The following RBM33 variants were observed in gnomAD, a reference collection of about 807,000 sequenced individuals.
The protein encoded by RBM33 is RNA binding motif protein 33, also known as RNA-binding protein 33.
In RBM33, 28 loss-of-function variants were observed where a neutral mutation model predicts 132.6. That is an observed-to-expected ratio of 0.21 (90% CI 0.16 to 0.29). The LOEUF is 0.29. Ranked by LOEUF, RBM33 falls within the 10% of genes least tolerant of loss-of-function variation. The probability of loss-of-function intolerance (pLI) is 1.00; values close to 1 mark genes in which losing one functional copy is unlikely to be tolerated. For synonymous variants in RBM33, 634 were observed against 593.0 expected (o/e 1.07, Z -1.01); for missense variants, 1,291 against 1,518.5 (o/e 0.85, Z 2.49).
At position 155,745,226 on chromosome 7, in the gene RBM33, A is replaced by G. The variant is rs780386844; in HGVS notation, c.2603A>G (p.Gln868Arg). ...LLPFPGAQVR[Q>R]NVKNRLLVKN... is the part of the protein sequence containing the mutation. ...CCCTTTCCAGGTGCACAGGTCAGAC[A>G]AAATGTGAAGAACAGACTTCTTGTT... Residue 868 changes from glutamine (Q) to arginine (R), a missense_variant, in exon 14 of 18, where the codon CAA (glutamine) becomes CGA (arginine). Transcript: ENST00000401878. This position sits in a 1 kb window ranked among gnomAD's most constrained non-coding sequence, Gnocchi z 4.1. 2 of 1,612,648 alleles carry G rather than the reference A, an allele frequency of 1.2e-6. No homozygotes were observed. The highest frequency in any genetic ancestry group is 1.7e-6 in the Non-Finnish European group (2 of 1,179,316).
chr7:155,751,089 T>C (rs2117046034), intron 14 of RBM33, among the ~76,000 whole-genome samples: 1 of 152,350 alleles, frequency 6.6e-6, no homozygotes, highest in East Asian at 1.9e-4. Flanking sequence ...ACTTTTGGAA[T>C]GATATGTATA....
At chr7:155,724,210 A>G (rs78959934) in intron 9 of RBM33, among the ~76,000 whole-genome samples, 5,500 of 152,214 alleles carry the variant, frequency 0.036, 323 homozygotes, top group African/African-American at 0.13. Context: ...TGCATTTTTA[A>G]GGCACACTTG....
intron 5 of RBM33, among the ~76,000 whole-genome samples, chr7:155,690,683 C>T (rs1799612314): frequency 6.6e-6 from 1 of 152,128 alleles, no homozygotes; most frequent in Non-Finnish European, 1.5e-5. Flanking sequence ...AATCTCTGAG[C>T]ATTTGCTTGT....
In RBM33 at chr7:155,711,442, C is replaced by A. The variant is rs535543190; in HGVS notation, c.1188C>A (p.Val396=). 3.9e-5 allele frequency: 57 copies of A among 1,461,584 alleles called. No individual in the cohort carries two copies. In the South Asian group the frequency reaches 7.9e-4, roughly 20 times the overall value. 90.5% of individuals were successfully genotyped at this position (1,461,584 alleles called of 1,614,324 possible). A position where few individuals can be genotyped will look rare whatever the true frequency, so the allele number is the denominator to read the frequency against. The change falls in exon 8 of 18, where the codon GTC becomes GTA. Residue 396 remains valine, a synonymous_variant. Transcript: ENST00000401878. ...ACCCGCACTTCAAAGGGACGGTGGT[C>A]ACGCCTGTTCAAGGTCTGTGTTTCC... is the stretch of plus-strand genomic sequence containing the variant. The part of the protein sequence containing the change: ...HINPHFKGTV[V]TPVQVPLLPV...
In RBM33 at chr7:155,737,589, C is replaced by T. The variant is rs1421429630; in HGVS notation, c.1320C>T (p.Pro440=). ...PGPVPNSFSQ[P]PRLPLQDQWR... ...CTGTTCCCAACAGTTTCAGCCAGCC[C>T]CCACGACTCCCTCTCCAGGACCAGT... The change falls in exon 10 of 18, where the codon CCC becomes CCT. Residue 440 remains proline, a synonymous_variant. Coordinates refer to ENST00000401878, the MANE Select transcript of RBM33 (RefSeq NM_053043.3). The T allele has an allele frequency of 1.2e-6, 2 of 1,613,310 alleles. No homozygotes were observed. The highest frequency in any genetic ancestry group is 1.7e-6 in the Non-Finnish European group (2 of 1,179,654).
chr7:155,775,027 C>T lies in RBM33; in HGVS notation c.3499C>T (p.Leu1167=), dbSNP rs1802556739. 5.6e-6 allele frequency: 9 copies of T among 1,613,648 alleles called. No homozygotes were observed. The highest frequency in any genetic ancestry group is 7.6e-6 in the Non-Finnish European group (9 of 1,179,732). Residue 1167 remains leucine, a synonymous_variant, in exon 18 of 18, where the codon CTG becomes TTG. Transcript: ENST00000401878. ...MIDLSHINVA[L]IVE is the part of the protein sequence containing the mutation. ...AGATTTGTCCCACATAAATGTGGCC[C>T]TGATCGTGGAGTGAGTCCTAACAAG... is the stretch of plus-strand genomic sequence containing the variant.
chr7:155,742,050 G>C lies in RBM33; in HGVS notation c.2281G>C (p.Val761Leu). 1 of 1,614,026 alleles carries C rather than the reference G, an allele frequency of 6.2e-7. No homozygotes were observed. Among genetic ancestry groups the C allele is most frequent in the South Asian group, 1.1e-5 (1 of 91,088 alleles). The change falls in exon 13 of 18, where the codon GTC (valine) becomes CTC (leucine). Residue 761 changes from valine to leucine, a missense_variant. This residue lies in a region of RBM33 where 841 missense variants were observed against 912.0 expected (regional missense o/e 0.92). Transcript: ENST00000401878. ...RSSQGKTEVK[V>L]KPASPVAQPK... The stretch of plus-strand genomic sequence containing the variant: ...CTCACAGGGAAAGACGGAAGTGAAA[G>C]TCAAGCCAGCTAGCCCTGTGGCTCA...
At chr7:155,684,420 C>A (rs1799416510) in intron 5 of RBM33, among the ~76,000 whole-genome samples, 1 of 152,138 alleles carries the variant, frequency 6.6e-6, no homozygotes, top group Non-Finnish European at 1.5e-5. Flanking sequence ...TGCTAATACG[C>A]CCCTTAAGTT....
In RBM33 at chr7:155,707,023, G is replaced by A. The variant is rs752436929; in HGVS notation, c.903G>A (p.Met301Ile). Residue 301 changes from methionine to isoleucine, a missense_variant, in exon 7 of 18, where the codon ATG (methionine) becomes ATA (isoleucine). By Grantham distance (10) the Met-to-Ile change is conservative. Around this residue, in one of 7 missense-constraint regions of RBM33, gnomAD observed 146 missense variants for 137.1 expected, o/e 1.07. Transcript: ENST00000401878. ...QRRESTERGR[M>I]KDHRPALLPT... ...GAGAGAGCACCGAGAGGGGCAGGAT[G>A]AAGGACCACAGACCTGCGCTGCTTC... 1 of 1,576,082 alleles carries A rather than the reference G, an allele frequency of 6.3e-7. No individual in the cohort carries two copies. Among genetic ancestry groups the A allele is most frequent in the Non-Finnish European group, 8.6e-7 (1 of 1,160,794 alleles).
chr7:155,669,801 G>A (rs940232709), intron 2 of RBM33, among the ~76,000 whole-genome samples: 1 of 152,206 alleles, frequency 6.6e-6, no homozygotes, highest in African/African-American at 2.4e-5. Flanking sequence ...GGCTGTTGGG[G>A]GAGGGATACT....
chr7:155,706,317 C>A (rs1221134716), intron 6 of RBM33, among the ~76,000 whole-genome samples: 2 of 152,168 alleles, frequency 1.3e-5, no homozygotes, highest in Non-Finnish European at 2.9e-5. Flanking sequence ...CATGGTGAAA[C>A]CCCGTCTCTA....
At chr7:155,705,539 T>G (rs1258696666) in intron 6 of RBM33, among the ~76,000 whole-genome samples, 1 of 152,144 alleles carries the variant, frequency 6.6e-6, no homozygotes, top group Non-Finnish European at 1.5e-5. Context: ...TGGAGGAGTT[T>G]GGAGATGATG....
intron 9 of RBM33, among the ~76,000 whole-genome samples, chr7:155,729,035 A>G (rs755787338): frequency 6.6e-6 from 1 of 152,214 alleles, no homozygotes; most frequent in African/African-American, 2.4e-5. Flanking sequence ...AAAAGGTTTA[A>G]TTGACTCACA....
At position 155,738,223 on chromosome 7, in the gene RBM33, G is replaced by T; in HGVS notation, c.1557G>T (p.Gln519His). ...PGPAFNQQGQ[Q>H]PVFPRERPVR... Reference sequence around the variant, plus strand: ...CAGCATTTAATCAGCAAGGACAGCAGCCAGTGTTCCCAAGAGAGCGGCCCG... The same window carrying T: ...CAGCATTTAATCAGCAAGGACAGCATCCAGTGTTCCCAAGAGAGCGGCCCG... The change falls in exon 11 of 18, where the codon CAG becomes CAT. Residue 519 changes from glutamine to histidine, a missense_variant. Physicochemically the swap from Gln to His is conservative, Grantham distance 24. This residue lies in a region of RBM33 where 841 missense variants were observed against 912.0 expected (regional missense o/e 0.92). Coordinates refer to ENST00000401878, the MANE Select transcript of RBM33 (RefSeq NM_053043.3). The T allele has an allele frequency of 6.2e-7, 1 of 1,613,990 alleles. No individual in the cohort carries two copies. The highest frequency in any genetic ancestry group is 1.1e-5 in the South Asian group (1 of 91,082).
At position 155,741,949 on chromosome 7, in the gene RBM33, C is replaced by T; in HGVS notation, c.2180C>T (p.Ser727Phe). 1 of 1,614,044 alleles carries T rather than the reference C, an allele frequency of 6.2e-7. No homozygotes were observed. The highest frequency in any genetic ancestry group is 8.5e-7 in the Non-Finnish European group (1 of 1,179,900). Residue 727 changes from serine (S) to phenylalanine (F), a missense_variant, in exon 13 of 18, where the codon TCT becomes TTT. Transcript: ENST00000401878. The part of the protein sequence containing the change: ...HVIEMSSSRC[S>F]ATPSAQVKPI... ...ATAGAAATGAGCAGCAGCCGCTGCTCTGCCACGCCCTCAGCACAAGTGAAA... is the reference window on the plus strand; with the variant it reads ...ATAGAAATGAGCAGCAGCCGCTGCTTTGCCACGCCCTCAGCACAAGTGAAA...
chr7:155,659,065 G>A (rs564667410), intron 1 of RBM33, among the ~76,000 whole-genome samples: 72 of 152,272 alleles, frequency 4.7e-4, no homozygotes, highest in African/African-American at 1.7e-3. Flanking sequence ...GTTTTAAAAA[G>A]CCATTAAACA....
chr7:155,770,593 C>A (rs1261672724), intron 16 of RBM33, among the ~76,000 whole-genome samples: 2 of 141,268 alleles, frequency 1.4e-5, no homozygotes, highest in African/African-American at 5.3e-5. Context: ...GCAGCTGATA[C>A]CTTTTTTTTT....
intron 9 of RBM33, among the ~76,000 whole-genome samples, chr7:155,723,988 A>G (rs1030900707): frequency 6.6e-6 from 1 of 152,188 alleles, no homozygotes; most frequent in African/African-American, 2.4e-5. Context: ...TGCTATATAT[A>G]GAGACTTAAA....
chr7:155,760,108 A>G (rs118161135), intron 14 of RBM33, among the ~76,000 whole-genome samples: 8 of 152,346 alleles, frequency 5.3e-5, no homozygotes, highest in African/African-American at 1.4e-4. Context: ...ACAGGCAACT[A>G]TTTACTGATC....
Sources: allele counts gnomAD v4.1 joint callset (sites outside exome capture counted in the v4.1 genomes callset), GRCh38; gene constraint gnomAD v4.1.1; regional missense constraint gnomAD v4.1.1; non-coding constraint Gnocchi (gnomAD v3.1); transcripts MANE v1.5; gene names NCBI Gene and HGNC (gene_info 2026-07-23, HGNC 2026-07-21).